PAQR3: variants seen among roughly 807,000 people sequenced by gnomAD.
PAQR3 encodes progestin and adipoQ receptor family member 3.
In PAQR3, 39 loss-of-function variants were observed where a neutral mutation model predicts 41.7. That is an observed-to-expected ratio of 0.93 (90% CI 0.72 to 1.22). The LOEUF (loss-of-function observed/expected upper bound fraction) is 1.22. PAQR3 is among the 50% of genes most tolerant of loss of function. The pLI, the probability that PAQR3 is intolerant of heterozygous loss-of-function variation, is 0.00. For synonymous variants in PAQR3, 140 were observed against 140.6 expected (o/e 1.00, Z 0.03); for missense variants, 366 against 385.6 (o/e 0.95, Z 0.42).
chr4:78,925,484 C>T (rs1736102076), intron 4 of PAQR3, among the ~76,000 whole-genome samples: 2 of 152,158 alleles, frequency 1.3e-5, no homozygotes, highest in African/African-American at 2.4e-5. Context: ...CATCATCACC[C>T]TTGTCCTCAC....
rs1735544666 is a variant in PAQR3 at position 78,920,475 on chromosome 4, G to A, written c.*64C>T. On this transcript the variant is annotated 3_prime_UTR_variant, in exon 6 of 6. Coordinates refer to ENST00000512733, the MANE Select transcript of PAQR3 (RefSeq NM_001040202.2). ...AACTAATGGGAATCTTAGAAATAGT[G>A]GGGTATACAATTCCCCATTATATAT... 4 of 1,497,660 alleles carry A rather than the reference G, an allele frequency of 2.7e-6. No homozygotes were observed. In the African/African-American group the frequency reaches 4.2e-5, roughly 16 times the overall value. The allele number at this position is 1,497,660 out of a possible 1,614,324, so 92.8% of individuals were successfully genotyped here. A position where few individuals can be genotyped will look rare whatever the true frequency, so the allele number is the denominator to read the frequency against.
chr4:78,920,949 C>T (rs1250882374), intron 5 of PAQR3, among the ~76,000 whole-genome samples: 1 of 151,874 alleles, frequency 6.6e-6, no homozygotes, highest in African/African-American at 2.4e-5. Flanking sequence ...AGGAATTTGA[C>T]CTTATGCCTC....
Position 78,939,260 on chromosome 4 carries a change from T to A in PAQR3, c.-36A>T. The A allele has an allele frequency of 6.4e-7, 1 of 1,553,124 alleles. No individual in the cohort carries two copies. Among genetic ancestry groups the A allele is most frequent in the African/African-American group, 1.4e-5 (1 of 70,364 alleles). ...CGCCGCCGCTCCCCGGCTCGGGAGCTCCCCCAGGTCCCGCCTCCCCGGGGA... is the reference window on the plus strand; with the variant it reads ...CGCCGCCGCTCCCCGGCTCGGGAGCACCCCCAGGTCCCGCCTCCCCGGGGA... On this transcript the variant is annotated 5_prime_UTR_variant, in exon 1 of 6. Coordinates refer to ENST00000512733, the MANE Select transcript of PAQR3 (RefSeq NM_001040202.2).
Position 78,918,059 on chromosome 4 carries a change from A to C in PAQR3, c.*2480T>G, listed in dbSNP as rs2093906405. 2 of 979,168 alleles carry C rather than the reference A, an allele frequency of 2.0e-6. No homozygotes were observed. The highest frequency in any genetic ancestry group is 9.5e-5 in the South Asian group (2 of 21,160). 60.7% of individuals were successfully genotyped at this position (979,168 alleles called of 1,614,324 possible). Reference sequence around the variant, plus strand: ...TCTTGCTATTTGAAAATGGCTTAATATAGAAAGATAATTGTTTCTTAAATG... The same window carrying C: ...TCTTGCTATTTGAAAATGGCTTAATCTAGAAAGATAATTGTTTCTTAAATG... On this transcript the variant is annotated 3_prime_UTR_variant, in exon 6 of 6. Transcript: ENST00000512733.
chr4:78,936,783 C>T (rs1737470001), intron 1 of PAQR3, among the ~76,000 whole-genome samples: 1 of 152,180 alleles, frequency 6.6e-6, no homozygotes, highest in South Asian at 2.1e-4. Context: ...CCAGTATAAC[C>T]TGACTAACTG....
downstream of PAQR3, among the ~76,000 whole-genome samples, chr4:78,909,936 A>G (rs1199853827): frequency 6.6e-6 from 1 of 151,088 alleles, no homozygotes. Flanking sequence ...ACATCTCCAG[A>G]TGGTTTAGAT....
chr4:78,902,052 A>G (rs1219780938), intron 11 of PAQR3, among the ~76,000 whole-genome samples: 1 of 152,170 alleles, frequency 6.6e-6, no homozygotes, highest in African/African-American at 2.4e-5. Flanking sequence ...GCCATTTTAT[A>G]AGCTACAATG....
rs1734909725 is a variant in PAQR3, at chr4:78,914,844, T to C, written c.*5695A>G. The C allele has an allele frequency of 6.6e-6, 1 of 151,900 alleles. No homozygotes were observed. Among genetic ancestry groups the C allele is most frequent in the Non-Finnish European group, 1.5e-5 (1 of 67,896 alleles). 9.4% of individuals were successfully genotyped at this position (151,900 alleles called of 1,614,324 possible). ...TTGAACATCACTAAGAGAAGTAAAT[T>C]ATTATGAAGCTAGCAAAAATCTTGA... On this transcript the variant is annotated 3_prime_UTR_variant, in exon 6 of 6. Transcript: ENST00000512733.
At position 78,915,988 on chromosome 4, in the gene PAQR3, T is replaced by C. The variant is rs1231256159; in HGVS notation, c.*4551A>G. On this transcript the variant is annotated 3_prime_UTR_variant, in exon 6 of 6. Transcript: ENST00000512733. Reference sequence around the variant, plus strand: ...TCCATTTTTTGTTAAACTTGAATTTTCTGAAGCCTTTTATGTACCACTAAG... The same window carrying C: ...TCCATTTTTTGTTAAACTTGAATTTCCTGAAGCCTTTTATGTACCACTAAG... 1 of 151,966 alleles carries C rather than the reference T, an allele frequency of 6.6e-6. No homozygotes were observed. Among genetic ancestry groups the C allele is most frequent in the East Asian group, 1.9e-4 (1 of 5,202 alleles). The allele number at this position is 151,966 out of a possible 1,614,324, so 9.4% of individuals were successfully genotyped here. A position where few individuals can be genotyped will look rare whatever the true frequency, so the allele number is the denominator to read the frequency against.
At chr4:78,936,155 T>G (rs1257107212) in intron 1 of PAQR3, among the ~76,000 whole-genome samples, 1 of 152,236 alleles carries the variant, frequency 6.6e-6, no homozygotes. Context: ...TGCTGCAACT[T>G]TCTTCTAGCT....
rs1203109583 is a variant in PAQR3, at chr4:78,920,328, T to G, written c.*211A>C. ...TGATTGCCAACTAATTTTCACTTTCTGTACAAGCAGCAAATTAGTAGTTTT... is the reference window on the plus strand; with the variant it reads ...TGATTGCCAACTAATTTTCACTTTCGGTACAAGCAGCAAATTAGTAGTTTT... On this transcript the variant is annotated 3_prime_UTR_variant, in exon 6 of 6. Transcript: ENST00000512733. The G allele has an allele frequency of 8.3e-7, 1 of 1,203,562 alleles. No homozygotes were observed. Among genetic ancestry groups the G allele is most frequent in the African/African-American group, 1.6e-5 (1 of 63,480 alleles). The allele number at this position is 1,203,562 out of a possible 1,614,324, so 74.6% of individuals were successfully genotyped here.
chr4:78,937,583 T>C (rs1578045692), intron 1 of PAQR3, among the ~76,000 whole-genome samples: 1 of 152,234 alleles, frequency 6.6e-6, no homozygotes, highest in Admixed American at 6.5e-5. Context: ...TTCCAGGCCA[T>C]GTATAGCATT....
chr4:78,928,334 C>T (rs867804843), intron 3 of PAQR3, among the ~76,000 whole-genome samples: 2 of 152,072 alleles, frequency 1.3e-5, no homozygotes, highest in South Asian at 4.1e-4. Context: ...TAGCATACTG[C>T]TAAAATCAAG....
intron 4 of PAQR3, among the ~76,000 whole-genome samples, 200 bp downstream of exon 4, chr4:78,926,321 A>C (rs1450469073): frequency 1.3e-5 from 2 of 152,170 alleles, no homozygotes; most frequent in African/African-American, 2.4e-5. Flanking sequence ...AGAGAAAATC[A>C]GTATTCAGAT....
At position 78,901,673 on chromosome 4, in the gene PAQR3, G is replaced by A. The variant is rs149236710; in HGVS notation, c.*836+4435C>T. On this transcript the variant is annotated intron_variant and NMD_transcript_variant, in intron 11 of 12. Coordinates refer to the PAQR3 transcript ENST00000342820. ...TCCCCAGGGCACTGTTTTACAGTTA[G>A]TTTGCATACCAACATAGGATAGGTG... Among the ~76,000 whole-genome samples, 370 of 152,200 alleles carry A rather than the reference G, an allele frequency of 2.4e-3. 3 individuals are homozygous for A. The highest frequency in any genetic ancestry group is 8.5e-3 in the African/African-American group (352 of 41,534).
intron 11 of PAQR3, among the ~76,000 whole-genome samples, chr4:78,889,113 C>T (rs932654761): frequency 8.7e-5 from 13 of 148,794 alleles, no homozygotes; most frequent in Non-Finnish European, 1.6e-4. Context: ...CCCAGCTACT[C>T]GGGAGGCTAA....
chr4:78,894,608 C>T lies in PAQR3; in HGVS notation c.*837-6460G>A, dbSNP rs566660730. Among the ~76,000 whole-genome samples the T allele has an allele frequency of 7.9e-5, 12 of 152,304 alleles. No homozygotes were observed. The South Asian group carries it at 2.5e-3, about 32-fold the overall frequency. ...CGCAGTGGTTGGTTTGATCTTCTGT[C>T]CAGACCATTAAAATTTTCTCCATAT... On this transcript the variant is annotated intron_variant and NMD_transcript_variant, in intron 11 of 12. Transcript: ENST00000342820.
intron 11 of PAQR3, among the ~76,000 whole-genome samples, chr4:78,905,893 C>T (rs1241088295): frequency 6.6e-6 from 1 of 151,948 alleles, no homozygotes; most frequent in Non-Finnish European, 1.5e-5. Context: ...CTAGAGGTCA[C>T]ATTCTAAAGT....
At position 78,917,113 on chromosome 4, in the gene PAQR3, A is replaced by C. The variant is rs1025934025; in HGVS notation, c.*3426T>G. Reference sequence around the variant, plus strand: ...TTACTGTTCAAATTCAGTTATAGTTACTTGAGATGAATATATGCTGCAATT... The same window carrying C: ...TTACTGTTCAAATTCAGTTATAGTTCCTTGAGATGAATATATGCTGCAATT... On this transcript the variant is annotated 3_prime_UTR_variant, in exon 6 of 6. Transcript: ENST00000512733. 5.9e-5 allele frequency: 9 copies of C among 152,026 alleles called. No homozygotes were observed. The highest frequency in any genetic ancestry group is 1.9e-4 in the African/African-American group (8 of 41,436). 9.4% of individuals were successfully genotyped at this position (152,026 alleles called of 1,614,324 possible).
Sources: gnomAD v4.1 joint callset for allele counts (sites outside exome capture counted in the v4.1 genomes callset) on GRCh38, gnomAD v4.1.1 for gene constraint, MANE v1.5 for transcripts, NCBI Gene and HGNC (gene_info 2026-07-23, HGNC 2026-07-21) for gene names.